The following PTPRD variants were observed in gnomAD, a reference collection of about 807,000 sequenced individuals.
The protein encoded by PTPRD is receptor-type tyrosine-protein phosphatase delta.
PTPRD carries 34 observed loss-of-function variants against 214.5 expected under a neutral mutation model. The ratio of observed to expected loss-of-function variants is 0.16; its 90% CI spans 0.12 to 0.21. The LOEUF is 0.21. Ranked by LOEUF, PTPRD falls within the 10% of genes least tolerant of loss-of-function variation. PTPRD has a pLI of 1.00. For synonymous variants in PTPRD, 1,128 were observed against 845.7 expected (o/e 1.33, Z -5.79); for missense variants, 2,545 against 2,398.7 (o/e 1.06, Z -1.27).
At chr9:9,165,281 G>A (rs546606312) in intron 10 of PTPRD, among the ~76,000 whole-genome samples, 2 of 152,294 alleles carry the variant, frequency 1.3e-5, no homozygotes, top group African/African-American at 4.8e-5. Flanking sequence ...TATGCACATT[G>A]AGAGTGAGGA....
intron 9 of PTPRD, among the ~76,000 whole-genome samples, chr9:9,254,409 A>T (rs1302733265): frequency 6.6e-6 from 1 of 152,032 alleles, no homozygotes; most frequent in African/African-American, 2.4e-5. Flanking sequence ...TCAGTGAGCA[A>T]ATTTTTATTG....
intron 12 of PTPRD, among the ~76,000 whole-genome samples, chr9:8,730,145 A>G (rs2098639506): frequency 6.6e-6 from 1 of 151,936 alleles, no homozygotes; most frequent in Admixed American, 6.6e-5. Flanking sequence ...AGTCCCAGCT[A>G]CTCCGGAGGC....
At chr9:8,454,519 A>C (rs2096100859) in intron 33 of PTPRD, 21 of 1,585,642 alleles carry the variant, frequency 1.3e-5, no homozygotes, top group Non-Finnish European at 9.5e-6. Context: ...AACAACTCTG[A>C]AGTCTACCAG....
chr9:9,848,039 A>G (rs879606205), intron 5 of PTPRD, among the ~76,000 whole-genome samples: 3 of 152,182 alleles, frequency 2.0e-5, no homozygotes, highest in Non-Finnish European at 4.4e-5. Flanking sequence ...TCATAAGAAA[A>G]GACTTGTGAA....
At chr9:8,784,013 T>A (rs2095843272) in intron 11 of PTPRD, among the ~76,000 whole-genome samples, 1 of 152,144 alleles carries the variant, frequency 6.6e-6, no homozygotes, top group Non-Finnish European at 1.5e-5. Flanking sequence ...TCGTCATATA[T>A]CCTCATGCTT....
At chr9:9,909,530 T>G (rs2078579850) in intron 5 of PTPRD, among the ~76,000 whole-genome samples, 1 of 151,946 alleles carries the variant, frequency 6.6e-6, no homozygotes, top group African/African-American at 2.4e-5. Flanking sequence ...CATTATTGGT[T>G]GATATATTTA....
At chr9:8,825,943 T>C (rs547055455) in intron 11 of PTPRD, among the ~76,000 whole-genome samples, 2 of 152,300 alleles carry the variant, frequency 1.3e-5, no homozygotes, top group East Asian at 3.9e-4. Flanking sequence ...ACCTGTTTTA[T>C]CAACAAGGAT....
chr9:8,324,327 A>C (rs1395953873), intron 44 of PTPRD, among the ~76,000 whole-genome samples: 1 of 151,744 alleles, frequency 6.6e-6, no homozygotes, highest in Non-Finnish European at 1.5e-5. Context: ...TTCCACTCCC[A>C]CTTATAAGTG....
chr9:8,539,647 T>C (rs1159717991), intron 14 of PTPRD, among the ~76,000 whole-genome samples: 1 of 151,960 alleles, frequency 6.6e-6, no homozygotes, highest in Non-Finnish European at 1.5e-5. Flanking sequence ...AAATATAACA[T>C]CACTTCCACA....
chr9:10,400,780 T>G (rs1227054116), intron 2 of PTPRD, among the ~76,000 whole-genome samples: 7 of 151,616 alleles, frequency 4.6e-5, no homozygotes, highest in African/African-American at 1.7e-4. Context: ...ATTTTAAAAT[T>G]ATATATTATT....
intron 9 of PTPRD, among the ~76,000 whole-genome samples, chr9:9,199,995 G>C (rs967304676): frequency 6.6e-6 from 1 of 152,116 alleles, no homozygotes; most frequent in Admixed American, 6.5e-5. Flanking sequence ...ACATAAAGTT[G>C]TTATTGGTCC....
In PTPRD at chr9:8,999,967, A is replaced by G. The variant is rs147286189; in HGVS notation, c.-104+18730T>C. On this transcript the variant is annotated intron_variant, in intron 11 of 45. Transcript: ENST00000381196. Reference sequence around the variant, plus strand: ...TCTGAGAAGCAGTGTAAATATTCCAATGAGTTTCATTTCCTGATCAGACAT... The same window carrying G: ...TCTGAGAAGCAGTGTAAATATTCCAGTGAGTTTCATTTCCTGATCAGACAT... 3.4e-4 allele frequency among the ~76,000 whole-genome samples: 51 copies of G among 152,098 alleles called. No individual in the cohort carries two copies. In the East Asian group the frequency reaches 9.9e-3, roughly 29 times the overall value.
intron 8 of PTPRD, among the ~76,000 whole-genome samples, chr9:9,494,161 T>C (rs961719954): frequency 1.3e-5 from 2 of 152,186 alleles, no homozygotes; most frequent in African/African-American, 4.8e-5. Context: ...GAGGAGTTGC[T>C]TCTTATAAGT....
chr9:8,806,921 A>G (rs1256092372), intron 11 of PTPRD, among the ~76,000 whole-genome samples: 2 of 152,220 alleles, frequency 1.3e-5, no homozygotes, highest in Non-Finnish European at 2.9e-5. Flanking sequence ...TAAAAACCTA[A>G]TTCTGTCATA....
chr9:8,568,729 T>C (rs2090188007), intron 14 of PTPRD, among the ~76,000 whole-genome samples: 1 of 152,110 alleles, frequency 6.6e-6, no homozygotes, highest in African/African-American at 2.4e-5. Flanking sequence ...ACCTCCAGTA[T>C]AAACCTGAGT....
chr9:9,015,623 T>C (rs890129468), intron 11 of PTPRD, among the ~76,000 whole-genome samples: 1 of 152,196 alleles, frequency 6.6e-6, no homozygotes, highest in South Asian at 2.1e-4. Context: ...CTTTACTCTA[T>C]GGACTTGCCC....
chr9:9,073,450 T>C (rs912181732), intron 10 of PTPRD, among the ~76,000 whole-genome samples: 9 of 152,220 alleles, frequency 5.9e-5, no homozygotes, highest in African/African-American at 1.9e-4. Flanking sequence ...AACACTTGTG[T>C]AGATGTTACT....
rs558883652 is a variant in PTPRD at position 8,680,814 on chromosome 9, C to G, written c.65-43970G>C. Among the ~76,000 whole-genome samples, 117 of 152,200 alleles carry G rather than the reference C, an allele frequency of 7.7e-4. 2 individuals carry two copies. In the South Asian group the frequency reaches 0.012, roughly 15 times the overall value. ...TTTGACATTCAGAACTAATTTTCCA[C>G]TGGAAACAATGTCCCAGACTAGCCC... On this transcript the variant is annotated intron_variant, in intron 12 of 45. Coordinates refer to ENST00000381196, the MANE Select transcript of PTPRD (RefSeq NM_002839.4).
chr9:8,772,008 C>T (rs1325753698), intron 11 of PTPRD, among the ~76,000 whole-genome samples: 1 of 151,958 alleles, frequency 6.6e-6, no homozygotes, highest in East Asian at 1.9e-4. Context: ...ATGGATACCC[C>T]ACCTACCCTG....
Sources: allele counts gnomAD v4.1 joint callset (sites outside exome capture counted in the v4.1 genomes callset), GRCh38; gene constraint gnomAD v4.1.1; transcripts MANE v1.5; gene names NCBI Gene and HGNC (gene_info 2026-07-23, HGNC 2026-07-21).